The following L3MBTL1 variants were observed in gnomAD, a reference collection of about 807,000 sequenced individuals.
L3MBTL1 encodes L3MBTL histone methyl-lysine binding protein 1.
Under a neutral mutation model 105.3 loss-of-function variants are expected in L3MBTL1, and 75 were observed. The observed-to-expected ratio is 0.71, with a 90% CI of 0.59 to 0.86. L3MBTL1 has a LOEUF of 0.86. Among genes scored for constraint, L3MBTL1 ranks in the 40% least tolerant of loss-of-function variants. The probability of loss-of-function intolerance (pLI) is 0.00; values close to 1 mark genes in which losing one functional copy is unlikely to be tolerated. For synonymous variants in L3MBTL1, 452 were observed against 436.2 expected (o/e 1.04, Z -0.45); for missense variants, 1,069 against 1,126.4 (o/e 0.95, Z 0.73).
At position 43,514,992 on chromosome 20, in the gene L3MBTL1, C is replaced by G. The variant is rs763108949; in HGVS notation, c.503-17C>G. The G allele has an allele frequency of 2.5e-6, 4 of 1,611,064 alleles. No individual in the cohort carries two copies. The highest frequency in any genetic ancestry group is 3.4e-6 in the Non-Finnish European group (4 of 1,178,070). ...TGCGATGGGGAGGGAGGCCTGAGGC[C>G]CATTTGGCCCCCGCAGAGGACCACC... On this transcript the variant is annotated splice_polypyrimidine_tract_variant and intron_variant, in intron 4 of 21. Transcript: ENST00000418998.
chr20:43,523,778 G>A (rs2018863774), intron 7 of L3MBTL1, among the ~76,000 whole-genome samples: 1 of 152,102 alleles, frequency 6.6e-6, no homozygotes, highest in Admixed American at 6.5e-5. Flanking sequence ...CGAATTGCCT[G>A]AGGTCAGGAG....
intron 7 of L3MBTL1, among the ~76,000 whole-genome samples, chr20:43,520,440 G>A (rs2018649067): frequency 1.3e-5 from 2 of 152,118 alleles, no homozygotes; most frequent in Admixed American, 1.3e-4. Context: ...CAGCCATATG[G>A]TAACTCCATG....
intron 7 of L3MBTL1, among the ~76,000 whole-genome samples, chr20:43,518,354 C>CAGCT (rs1390512250): frequency 6.6e-6 from 1 of 152,020 alleles, no homozygotes; most frequent in Non-Finnish European, 1.5e-5. Flanking sequence ...GTTTGATGGC[C>CAGCT]AGCTGTTCAA....
In L3MBTL1 at chr20:43,547,393, C is replaced by T. The variant is rs112662100; in HGVS notation, c.2125-718C>T. Among the ~76,000 whole-genome samples, 652 of 152,272 alleles carry T rather than the reference C, an allele frequency of 4.3e-3. 2 individuals carry two copies. The highest frequency in any genetic ancestry group is 0.014 in the African/African-American group (589 of 41,562). Reference sequence around the variant, plus strand: ...TGCTGGGATTACAGGCGTGAGCCACCGCGCCCGGCCAATTGACATTTTTAA... The same window carrying T: ...TGCTGGGATTACAGGCGTGAGCCACTGCGCCCGGCCAATTGACATTTTTAA... On this transcript the variant is annotated intron_variant, in intron 18 of 18. Coordinates refer to the L3MBTL1 transcript ENST00000422861.
rs757148310 is a variant in L3MBTL1, at chr20:43,540,927, C to T, written c.2395-7C>T. The T allele has an allele frequency of 1.2e-6, 2 of 1,613,848 alleles. No individual in the cohort carries two copies. Among genetic ancestry groups the T allele is most frequent in the East Asian group, 4.5e-5 (2 of 44,844 alleles). ...CTGCTAAGGAGGGACCCGTGTTGCC[C>T]CACCAGGCAAGAATAGTCAGAGTGA... On this transcript the variant is annotated splice_polypyrimidine_tract_variant and splice_region_variant and intron_variant, in intron 21 of 21. Transcript: ENST00000418998.
rs2019846822 is a variant in L3MBTL1, at chr20:43,540,241, A to C, written c.2264A>C (p.His755Pro). 2 of 1,613,702 alleles carry C rather than the reference A, an allele frequency of 1.2e-6. No individual in the cohort carries two copies. The highest frequency in any genetic ancestry group is 1.1e-5 in the South Asian group (1 of 91,076). Residue 755 changes from histidine to proline, a missense_variant, in exon 20 of 22, where the codon CAC becomes CCC. His to Pro is a moderately conservative substitution (Grantham distance 77). Transcript: ENST00000418998. ...TCACTCTCAGTGTGCTGGGAGCAGC[A>C]CTGCAAGCTCCTGCCAGGAGTAGCG... Reference protein sequence around the residue: ...DRSLSVCWEQHCKLLPGVAGI... With the variant: ...DRSLSVCWEQPCKLLPGVAGI...
chr20:43,512,203 A>G (rs190602681), intron 1 of L3MBTL1, among the ~76,000 whole-genome samples: 17 of 152,294 alleles, frequency 1.1e-4, no homozygotes, highest in Non-Finnish European at 2.5e-4. Context: ...GTTAGAAGGC[A>G]ATTTCAGAAG....
chr20:43,547,962 C>T, intron 18 of L3MBTL1: 5 of 354,380 alleles, frequency 1.4e-5, no homozygotes, highest in Non-Finnish European at 2.6e-5. Flanking sequence ...CCTTTCTCTC[C>T]CCTTCTCTCC....
chr20:43,518,101 T>C (rs1349695369), intron 7 of L3MBTL1, among the ~76,000 whole-genome samples: 1 of 152,038 alleles, frequency 6.6e-6, no homozygotes, highest in East Asian at 1.9e-4. Context: ...TTTTGAAGCA[T>C]ACTACTCACT....
At chr20:43,530,483 T>A in intron 10 of L3MBTL1, 64 bp downstream of exon 10, 1 of 1,544,218 alleles carries the variant, frequency 6.5e-7, no homozygotes, top group Non-Finnish European at 8.8e-7. Flanking sequence ...CTTCTTCCCC[T>A]TGGGTCCCCG....
chr20:43,515,646 G>A (rs1260838936), intron 6 of L3MBTL1: 1 of 557,498 alleles, frequency 1.8e-6, no homozygotes. Flanking sequence ...TAGTGTCAAG[G>A]TTAAGACATA....
At chr20:43,514,133 T>A in intron 3 of L3MBTL1, 72 bp downstream of exon 3, 5 of 1,313,306 alleles carry the variant, frequency 3.8e-6, no homozygotes, top group Non-Finnish European at 5.3e-6. Context: ...GCCCGGAGGC[T>A]GGACCTGAGA....
intron 19 of L3MBTL1, among the ~76,000 whole-genome samples, chr20:43,536,688 G>A (rs2019651825): frequency 6.6e-6 from 1 of 152,130 alleles, no homozygotes; most frequent in African/African-American, 2.4e-5. Context: ...GTGAGTCTGT[G>A]GGGAGGGTAC....
chr20:43,529,362 G>A lies in L3MBTL1; in HGVS notation c.1050G>A (p.Val350=). 1 of 1,609,056 alleles carries A rather than the reference G, an allele frequency of 6.2e-7. No homozygotes were observed. The highest frequency in any genetic ancestry group is 1.1e-5 in the South Asian group (1 of 90,052). ...QHPSMYFILT[V]AEVCGYRLRL... is the part of the protein sequence containing the mutation. ...CGTCCATGTACTTCATCCTCACCGT[G>A]GCTGAGGTGAGCTGGGGCTTGGTAC... Residue 350 remains valine (V), a synonymous_variant, in exon 9 of 22, where the codon GTG becomes GTA. Transcript: ENST00000418998.
intron 19 of L3MBTL1, among the ~76,000 whole-genome samples, chr20:43,537,458 G>A (rs1402412339): frequency 6.6e-6 from 1 of 151,660 alleles, no homozygotes; most frequent in Non-Finnish European, 1.5e-5. Flanking sequence ...GATACCAATT[G>A]AATTGGATTA....
At position 43,513,981 on chromosome 20, in the gene L3MBTL1, C is replaced by T; in HGVS notation, c.280C>T (p.Pro94Ser). Reference sequence around the variant, plus strand: ...CGTCCTGCCGCAGCTTAGCGCCGGGCCGGCCAGCTCCAGCACCAGCACAGT... The same window carrying T: ...CGTCCTGCCGCAGCTTAGCGCCGGGTCGGCCAGCTCCAGCACCAGCACAGT... Reference protein sequence around the residue: ...ATVLPQLSAGPASSSTSTVRL... With the variant: ...ATVLPQLSAGSASSSTSTVRL... Residue 94 changes from proline to serine, a missense_variant, in exon 3 of 22, where the codon CCG (proline) becomes TCG (serine). By Grantham distance (74) the Pro-to-Ser change is moderately conservative. Transcript: ENST00000418998. 1 of 1,545,832 alleles carries T rather than the reference C, an allele frequency of 6.5e-7. No individual in the cohort carries two copies. Among genetic ancestry groups the T allele is most frequent in the Non-Finnish European group, 8.7e-7 (1 of 1,146,904 alleles).
intron 1 of L3MBTL1, among the ~76,000 whole-genome samples, chr20:43,511,392 C>T (rs185669675): frequency 4.6e-5 from 7 of 152,248 alleles, no homozygotes; most frequent in African/African-American, 1.4e-4. Flanking sequence ...TTGAAGATCA[C>T]TATTGATTAT....
At chr20:43,548,448 C>G (rs544084201) in exon 19 of L3MBTL1, 2 of 318,376 alleles carry the variant, frequency 6.3e-6, no homozygotes, top group Non-Finnish European at 1.2e-5. Flanking sequence ...AGAGCTCATT[C>G]GTCACCAGGC....
Position 43,528,545 on chromosome 20 carries a change from CACAG to C in L3MBTL1, c.863-108_863-105del, listed in dbSNP as rs2019151590. The stretch of plus-strand genomic sequence containing the variant: ...GGTGGGACCAGAGGGTACATGTGAA[CACAG>C]ACAAAGATTTGTTTTGGGGGTGAAG... On this transcript the variant is annotated intron_variant, in intron 7 of 21. Transcript: ENST00000418998. 4 of 770,820 alleles carry C rather than the reference CACAG, an allele frequency of 5.2e-6. No individual in the cohort carries two copies. The Admixed American group carries it at 8.0e-5, about 15-fold the overall frequency. 47.7% of individuals were successfully genotyped at this position (770,820 alleles called of 1,614,324 possible).
Sources: allele counts gnomAD v4.1 joint callset (sites outside exome capture counted in the v4.1 genomes callset), GRCh38; gene constraint gnomAD v4.1.1; transcripts MANE v1.5; gene names NCBI Gene and HGNC (gene_info 2026-07-23, HGNC 2026-07-21).